C2: variants seen among roughly 807,000 people sequenced by gnomAD.
The protein encoded by C2 is complement C2, also known as C3/C5 convertase.
A neutral mutation model predicts 85.2 loss-of-function variants in C2; 64 were observed. That is an observed-to-expected ratio of 0.75 (90% CI 0.61 to 0.92). The LOEUF (loss-of-function observed/expected upper bound fraction) is 0.92, where lower values mean the gene tolerates loss of function less well. C2 is among the 40% of genes least tolerant of loss of function. C2 has a pLI of 0.00. For synonymous variants in C2, 311 were observed against 370.8 expected (o/e 0.84, Z 1.85); for missense variants, 820 against 971.6 (o/e 0.84, Z 2.07).
chr6:31,916,839 C>T (rs1768555364), upstream of C2, among the ~76,000 whole-genome samples: 1 of 133,682 alleles, frequency 7.5e-6, no homozygotes, highest in African/African-American at 2.9e-5. Context: ...TGTACTCCAG[C>T]CTGGGTGACA....
chr6:31,932,711 G>C (rs1221876940), intron 3 of C2, among the ~76,000 whole-genome samples: 1 of 151,736 alleles, frequency 6.6e-6, no homozygotes, highest in Admixed American at 6.6e-5. Flanking sequence ...TCCCAGACGG[G>C]GTGGCGGCCG....
intron 7 of C2, chr6:31,937,001 G>A: frequency 2.8e-6 from 1 of 355,030 alleles, no homozygotes; most frequent in Middle Eastern, 9.2e-4. Flanking sequence ...ATCACTTGAG[G>A]TCAGGAAACC....
Position 31,943,781 on chromosome 6 carries a change from C to G in C2, c.1705C>G (p.Gln569Glu), listed in dbSNP as rs1424961092. Residue 569 changes from glutamine (Q) to glutamate (E), a missense_variant, in exon 13 of 18, where the codon CAG becomes GAG. Coordinates refer to ENST00000299367, the MANE Select transcript of C2 (RefSeq NM_000063.6). This position sits in a 1 kb window ranked among gnomAD's most constrained non-coding sequence, Gnocchi z 6.4. ...GDDIALLKLAQKVKMSTHARP... is the reference protein window; with the variant it reads ...GDDIALLKLAEKVKMSTHARP... ...TGACATAGCTCTGCTGAAGCTGGCC[C>G]AGAAAGTAAAGATGTCCACCCATGC... 1.9e-6 allele frequency: 3 copies of G among 1,613,112 alleles called. No individual in the cohort carries two copies. Among genetic ancestry groups the G allele is most frequent in the Admixed American group, 3.3e-5 (2 of 60,032 alleles).
At chr6:31,923,649 ATT>A (rs201661801), upstream of C2, among the ~76,000 whole-genome samples, 4 of 141,224 alleles carry the variant, frequency 2.8e-5, no homozygotes, top group Admixed American at 7.1e-5. Flanking sequence ...CACCCAGCTA[ATT>A]TTTTTTTTTT....
intron 3 of C2, among the ~76,000 whole-genome samples, chr6:31,933,310 A>G (rs922721560): frequency 6.6e-6 from 1 of 152,222 alleles, no homozygotes; most frequent in Non-Finnish European, 1.5e-5. Context: ...CAGCAAGGTA[A>G]CAGAGTGCCA....
intron 2 of C2, 84 bp downstream of exon 2, chr6:31,928,248 C>T (rs1769428150): frequency 7.9e-7 from 1 of 1,269,490 alleles, no homozygotes; most frequent in South Asian, 1.3e-5. Context: ...CAGGGTGGGA[C>T]TTAACCTGAC....
At chr6:31,934,348 A>G (rs370924181) in intron 6 of C2, 49 bp downstream of exon 6, 11 of 1,612,456 alleles carry the variant, frequency 6.8e-6, no homozygotes, top group South Asian at 1.1e-5. Flanking sequence ...TGTGCTCACT[A>G]TCTCTCTCTG....
At chr6:31,926,104 A>C (rs1769243208), upstream of C2, among the ~76,000 whole-genome samples, 1 of 152,230 alleles carries the variant, frequency 6.6e-6, no homozygotes. Flanking sequence ...AGCCAGAACC[A>C]AGTCACCTGG....
At chr6:31,914,737 C>A (rs1332426620) in intron 1 of C2, among the ~76,000 whole-genome samples, 1 of 151,738 alleles carries the variant, frequency 6.6e-6, no homozygotes, top group Non-Finnish European at 1.5e-5. Context: ...ACGGTGAAAC[C>A]CCGTCTCTAC....
upstream of C2, chr6:31,899,727 C>G: frequency 1.7e-6 from 1 of 602,678 alleles, no homozygotes; most frequent in African/African-American, 1.8e-5. Context: ...AACCCTTTTC[C>G]CAGCTCCAGA....
At chr6:31,903,949 A>G (rs1011614657) in intron 1 of C2, among the ~76,000 whole-genome samples, 1 of 151,964 alleles carries the variant, frequency 6.6e-6, no homozygotes, top group Non-Finnish European at 1.5e-5. Flanking sequence ...ATTTTGTGTC[A>G]GACGCACCTA....
upstream of C2, among the ~76,000 whole-genome samples, chr6:31,919,736 T>C (rs1667134117): frequency 3.3e-5 from 5 of 152,182 alleles, no homozygotes; most frequent in Admixed American, 3.3e-4. Context: ...ATAACATATA[T>C]ATCTGGAGAC....
upstream of C2, among the ~76,000 whole-genome samples, chr6:31,925,346 G>A (rs1769198393): frequency 6.6e-6 from 1 of 151,976 alleles, no homozygotes; most frequent in African/African-American, 2.4e-5. Flanking sequence ...AGGCTGAAGT[G>A]CAGTGGTGTG....
chr6:31,936,786 C>T (rs567596963), intron 7 of C2: 12 of 158,978 alleles, frequency 7.5e-5, no homozygotes, highest in East Asian at 1.9e-4. Flanking sequence ...GGATTACAGG[C>T]GTGAACCACC....
chr6:31,900,587 C>T (rs1767147349), upstream of C2: 1 of 1,612,498 alleles, frequency 6.2e-7, no homozygotes, highest in Non-Finnish European at 8.5e-7. The surrounding 1 kb of genome is among the most constrained non-coding windows in gnomAD (Gnocchi z 9.7). Context: ...AAGGTGGCCA[C>T]CCACGGAGCC....
At position 31,935,154 on chromosome 6, in the gene C2, C is replaced by T; in HGVS notation, c.850-769C>T. On this transcript the variant is annotated intron_variant, in intron 6 of 17. Coordinates refer to ENST00000299367, the MANE Select transcript of C2 (RefSeq NM_000063.6). This position sits in a 1 kb window ranked among gnomAD's most constrained non-coding sequence, Gnocchi z 4.3. ...TGTAACATTATAGATGGTTTTCCCT[C>T]CCAGCTACATTTTAAAGAGGGCAGT... 1 of 799,266 alleles carries T rather than the reference C, an allele frequency of 1.3e-6. No homozygotes were observed. The highest frequency in any genetic ancestry group is 1.5e-6 in the Non-Finnish European group (1 of 659,868). 49.5% of individuals were successfully genotyped at this position (799,266 alleles called of 1,614,324 possible). A position where few individuals can be genotyped will look rare whatever the true frequency, so the allele number is the denominator to read the frequency against.
At chr6:31,906,351 TC>T (rs1284665682) in intron 1 of C2, among the ~76,000 whole-genome samples, 3 of 151,876 alleles carry the variant, frequency 2.0e-5, no homozygotes, top group African/African-American at 7.3e-5. Context: ...TCCTCCTTCT[TC>T]AGAGCTCCTT....
chr6:31,898,067 G>T (rs1766823417), upstream of C2: 1 of 221,944 alleles, frequency 4.5e-6, no homozygotes, highest in Non-Finnish European at 7.6e-6. Context: ...CCAGATAGAA[G>T]GCTTGGCCTC....
chr6:31,942,370 T>C (rs1347192400), intron 9 of C2, among the ~76,000 whole-genome samples: 1 of 150,822 alleles, frequency 6.6e-6, no homozygotes, highest in South Asian at 2.1e-4. Flanking sequence ...TCACAGATAC[T>C]GGGGATTAGG....
Sources: gnomAD v4.1 joint callset for allele counts (sites outside exome capture counted in the v4.1 genomes callset) on GRCh38, gnomAD v4.1.1 for gene constraint, Gnocchi (gnomAD v3.1) non-coding constraint, MANE v1.5 for transcripts, NCBI Gene and HGNC (gene_info 2026-07-23, HGNC 2026-07-21) for gene names.